Variants in WDR19 observed in about 807,000 individuals in gnomAD.
WDR19 encodes the protein WD repeat domain 19.
Under a neutral mutation model 180.0 loss-of-function variants are expected in WDR19, and 121 were observed. The ratio of observed to expected loss-of-function variants is 0.67; its 90% CI spans 0.58 to 0.78. The LOEUF (loss-of-function observed/expected upper bound fraction) is 0.78, where lower values mean the gene tolerates loss of function less well. Ranked by LOEUF, WDR19 falls within the 30% of genes least tolerant of loss-of-function variation. The pLI is 0.00. For synonymous variants in WDR19, 497 were observed against 540.7 expected, an observed-to-expected ratio of 0.92 and a Z score of 1.12; for missense variants, 1,450 against 1,640.7, an observed-to-expected ratio of 0.88 and a Z score of 2.01.
chr4:39,191,632 A>G (rs1246671899), intron 4 of WDR19, among the ~76,000 whole-genome samples: 1 of 152,196 alleles, frequency 6.6e-6, no homozygotes, highest in Admixed American at 6.5e-5. Context: ...TGTAACTGGG[A>G]TATAGCCATT....
At position 39,241,041 on chromosome 4, in the gene WDR19, C is replaced by T. The variant is rs182728465; in HGVS notation, c.2421+707C>T. Among the ~76,000 whole-genome samples, 5 of 151,896 alleles carry T rather than the reference C, an allele frequency of 3.3e-5. No homozygotes were observed. The East Asian group carries it at 7.8e-4, about 24-fold the overall frequency. On this transcript the variant is annotated intron_variant, in intron 21 of 36. Coordinates refer to ENST00000399820, the MANE Select transcript of WDR19 (RefSeq NM_025132.4). The stretch of plus-strand genomic sequence containing the variant: ...TTCATTCTGCCGTTTCTTTCTCATA[C>T]TGTATCTTTTAAGATGACCCTGGAG...
At chr4:39,257,412 G>A in intron 27 of WDR19, 74 bp from the exon 28 acceptor site, 1 of 1,351,882 alleles carries the variant, frequency 7.4e-7, no homozygotes, top group African/African-American at 1.4e-5. Flanking sequence ...TTGTGTTAAA[G>A]CTGTGTGAAA....
intron 20 of WDR19, 81 bp downstream of exon 20, chr4:39,234,956 G>A: frequency 1.3e-6 from 1 of 745,694 alleles, no homozygotes; most frequent in Non-Finnish European, 2.2e-6. Flanking sequence ...TTAATGATAA[G>A]GCCCTCCATT....
In WDR19 at chr4:39,182,549, A is replaced by T; in HGVS notation, c.-9A>T. ...ACTTCATAGTTCGCGTAGCGGCTCG[A>T]GCGTGGAGATGAAGGTAAATAACTT... On this transcript the variant is annotated 5_prime_UTR_variant, in exon 1 of 37. Transcript: ENST00000399820. The T allele has an allele frequency of 1.2e-6, 2 of 1,613,436 alleles. No individual in the cohort carries two copies. Among genetic ancestry groups the T allele is most frequent in the Non-Finnish European group, 1.7e-6 (2 of 1,179,802 alleles).
intron 1 of WDR19, among the ~76,000 whole-genome samples, chr4:39,184,337 G>A (rs1171026944): frequency 6.6e-6 from 1 of 151,914 alleles, no homozygotes; most frequent in Non-Finnish European, 1.5e-5. Flanking sequence ...TTGAACCCAG[G>A]AGGCGGAGGT....
chr4:39,196,943 T>C (rs1248556718), intron 5 of WDR19, among the ~76,000 whole-genome samples: 1 of 152,236 alleles, frequency 6.6e-6, no homozygotes, highest in Admixed American at 6.5e-5. Context: ...GCATAGGTAC[T>C]GTATTAGATT....
At chr4:39,185,690 GT>G (rs34876303) in intron 1 of WDR19, 35 bp from the exon 2 acceptor site, 2 of 1,536,456 alleles carry the variant, frequency 1.3e-6, no homozygotes, top group Non-Finnish European at 1.8e-6. Context: ...TTGATTGTAT[GT>G]TTTGAAAATA....
chr4:39,192,201 ATCTTGT>A (rs1048711522), intron 4 of WDR19, among the ~76,000 whole-genome samples: 2 of 152,222 alleles, frequency 1.3e-5, no homozygotes, highest in African/African-American at 2.4e-5. Flanking sequence ...TGCTGATCAG[ATCTTGT>A]TCTTGTTATA....
chr4:39,225,331 T>C (rs1332242593), intron 15 of WDR19, among the ~76,000 whole-genome samples: 1 of 152,198 alleles, frequency 6.6e-6, no homozygotes, highest in Non-Finnish European at 1.5e-5. Flanking sequence ...ACAATAATTA[T>C]AGTGTATCTG....
chr4:39,192,562 C>T (rs28437497), intron 4 of WDR19, among the ~76,000 whole-genome samples: 52,125 of 151,886 alleles, frequency 0.34, 9,409 homozygotes, highest in African/African-American at 0.46. Context: ...CTCTACCTCC[C>T]GGGTCAAAGC....
chr4:39,223,578 G>A (rs71606147), intron 14 of WDR19, among the ~76,000 whole-genome samples: 14,685 of 152,118 alleles, frequency 0.097, 875 homozygotes, highest in East Asian at 0.2. Context: ...TCCTGACCTC[G>A]TGATCCACCC....
chr4:39,251,554 C>T (rs1303379028), intron 24 of WDR19, among the ~76,000 whole-genome samples: 8 of 152,070 alleles, frequency 5.3e-5, no homozygotes, highest in African/African-American at 1.2e-4. Flanking sequence ...CAAAAGAAAC[C>T]AACATCAGAG....
intron 15 of WDR19, among the ~76,000 whole-genome samples, chr4:39,227,496 A>C (rs1409065440): frequency 6.6e-6 from 1 of 152,228 alleles, no homozygotes; most frequent in Non-Finnish European, 1.5e-5. Context: ...AAACCTGTGC[A>C]GAAAACTTTT....
At chr4:39,213,386 A>G (rs1728736221) in intron 9 of WDR19, among the ~76,000 whole-genome samples, 1 of 152,244 alleles carries the variant, frequency 6.6e-6, no homozygotes, top group African/African-American at 2.4e-5. Flanking sequence ...ACACTACTCA[A>G]CAATAAAAAG....
At chr4:39,247,727 T>C (rs1275057781) in intron 24 of WDR19, among the ~76,000 whole-genome samples, 1 of 152,072 alleles carries the variant, frequency 6.6e-6, no homozygotes, top group Admixed American at 6.5e-5. Flanking sequence ...CAGTAACCGA[T>C]GTGATCAACT....
intron 6 of WDR19, 69 bp from the exon 7 acceptor site, chr4:39,203,573 T>C: frequency 2.3e-6 from 3 of 1,297,200 alleles, no homozygotes; most frequent in East Asian, 5.0e-5. Flanking sequence ...AAGTTATCCA[T>C]TCTATTAATA....
At chr4:39,208,670 T>C (rs924168794) in intron 9 of WDR19, among the ~76,000 whole-genome samples, 6 of 152,038 alleles carry the variant, frequency 3.9e-5, no homozygotes, top group African/African-American at 1.5e-4. Flanking sequence ...TATAATGATA[T>C]AACCATGTAA....
chr4:39,238,551 C>T (rs1206533029), intron 20 of WDR19, among the ~76,000 whole-genome samples: 1 of 152,162 alleles, frequency 6.6e-6, no homozygotes, highest in Non-Finnish European at 1.5e-5. Flanking sequence ...TGTCTCCTCC[C>T]TATTCTCAGG....
intron 8 of WDR19, 120 bp downstream of exon 8, chr4:39,205,386 C>G: frequency 8.4e-7 from 1 of 1,195,434 alleles, no homozygotes; most frequent in Non-Finnish European, 1.2e-6. Context: ...GTCACATTTT[C>G]TGATTCATGG....
Sources: gnomAD v4.1 joint callset for allele counts (sites outside exome capture counted in the v4.1 genomes callset) on GRCh38, gnomAD v4.1.1 for gene constraint, MANE v1.5 for transcripts, NCBI Gene and HGNC (gene_info 2026-07-23, HGNC 2026-07-21) for gene names.